The following SEC16B variants were observed in gnomAD, a reference collection of about 807,000 sequenced individuals.
The protein encoded by SEC16B is protein transport protein Sec16B.
SEC16B carries 115 observed loss-of-function variants against 141.8 expected under a neutral mutation model. That is an observed-to-expected ratio of 0.81 (90% CI 0.70 to 0.95). SEC16B has a LOEUF of 0.95. SEC16B is among the 40% of genes least tolerant of loss of function. SEC16B has a pLI of 0.00. For missense variants in SEC16B, 1,291 were observed against 1,312.3 expected, an observed-to-expected ratio of 0.98 and a Z score of 0.25; for synonymous variants, 493 against 492.5, an observed-to-expected ratio of 1.00 and a Z score of -0.01.
At chr1:177,948,682 A>G in intron 12 of SEC16B, 3 of 1,261,452 alleles carry the variant, frequency 2.4e-6, no homozygotes, top group Non-Finnish European at 3.1e-6. Context: ...ATCAATAAAG[A>G]AACAATATAA....
At chr1:177,956,389 T>A (rs76592509) in intron 10 of SEC16B, among the ~76,000 whole-genome samples, 23,857 of 152,052 alleles carry the variant, frequency 0.16, 2,070 homozygotes, top group Middle Eastern at 0.22. Context: ...TTCTGAGGTA[T>A]TTTGTAAAAT....
At chr1:177,967,586 A>T in intron 2 of SEC16B, 97 bp downstream of exon 2, 1 of 1,274,938 alleles carries the variant, frequency 7.8e-7, no homozygotes, top group Non-Finnish European at 1.1e-6. Context: ...AAAAGAAAAA[A>T]GGGGGAGAAA....
At chr1:177,936,437 C>A in intron 19 of SEC16B, 72 bp from the exon 20 acceptor site, 1 of 1,303,292 alleles carries the variant, frequency 7.7e-7, no homozygotes, top group Non-Finnish European at 1.1e-6. Flanking sequence ...AGAAGGGTAA[C>A]TGGGACACAA....
At chr1:177,957,764 AC>A (rs1398492540) in intron 10 of SEC16B, among the ~76,000 whole-genome samples, 5 of 151,820 alleles carry the variant, frequency 3.3e-5, no homozygotes, top group Non-Finnish European at 7.4e-5. Flanking sequence ...ATTCATTCTA[AC>A]TTTTTTTTGC....
At chr1:177,944,312 T>C (rs762133885) in intron 15 of SEC16B, among the ~76,000 whole-genome samples, 3 of 152,126 alleles carry the variant, frequency 2.0e-5, no homozygotes, top group African/African-American at 4.8e-5. Flanking sequence ...GGCAGGACGT[T>C]CAAACATCAG....
At chr1:177,940,160 T>C (rs566868668) in intron 17 of SEC16B, among the ~76,000 whole-genome samples, 14 of 152,208 alleles carry the variant, frequency 9.2e-5, no homozygotes, top group Non-Finnish European at 1.5e-4. Flanking sequence ...CCAATTACTG[T>C]TCCAATTACA....
chr1:177,936,489 C>T, intron 19 of SEC16B, 124 bp from the exon 20 acceptor site: 1 of 790,518 alleles, frequency 1.3e-6, no homozygotes, highest in Non-Finnish European at 2.1e-6. Flanking sequence ...GCCCATAAGC[C>T]CAAGCCAATC....
At chr1:177,975,136 C>T (rs2102021732), upstream of SEC16B, among the ~76,000 whole-genome samples, 1 of 152,224 alleles carries the variant, frequency 6.6e-6, no homozygotes, top group South Asian at 2.1e-4. Context: ...TAGGAGTGGG[C>T]TTTAACTAAG....
Position 177,933,227 on chromosome 1 carries a change from C to T in SEC16B, c.2810G>A (p.Ser937Asn). The change falls in exon 22 of 26, where the codon AGC becomes AAC. Residue 937 changes from serine (S) to asparagine (N), a missense_variant. Physicochemically the swap from Ser to Asn is conservative, Grantham distance 46. This residue lies in a region of SEC16B where 605 missense variants were observed against 614.1 expected (regional missense o/e 0.99). Coordinates refer to ENST00000308284, the MANE Select transcript of SEC16B (RefSeq NM_033127.4). ...CACAGAGCCTACCTCAGAGTCAGGG[C>T]TGTCTGAGGAGTCCTCGTCTCCAGC... Reference protein sequence around the residue: ...SPAGDEDSSDSPDSEETPRAS... With the variant: ...SPAGDEDSSDNPDSEETPRAS... The T allele has an allele frequency of 6.3e-7, 1 of 1,583,842 alleles. No individual in the cohort carries two copies. Among genetic ancestry groups the T allele is most frequent in the Non-Finnish European group, 8.6e-7 (1 of 1,164,460 alleles).
intron 8 of SEC16B, chr1:177,959,405 G>A (rs1284135131): frequency 4.3e-6 from 1 of 230,070 alleles, no homozygotes; most frequent in Non-Finnish European, 8.7e-6. Flanking sequence ...AGAAAATTGT[G>A]TGGCATATAT....
At chr1:177,971,731 T>C (rs1205245695), upstream of SEC16B, among the ~76,000 whole-genome samples, 1 of 152,198 alleles carries the variant, frequency 6.6e-6, no homozygotes, top group Non-Finnish European at 1.5e-5. Flanking sequence ...ACAAGTGAAA[T>C]GATTTACCCA....
Position 177,960,837 on chromosome 1 carries a change from G to C in SEC16B, c.890C>G (p.Ser297Cys), listed in dbSNP as rs757617968. 4 of 1,613,632 alleles carry C rather than the reference G, an allele frequency of 2.5e-6. No individual in the cohort carries two copies. Among genetic ancestry groups the C allele is most frequent in the South Asian group, 2.2e-5 (2 of 91,036 alleles). ...AAGGGCTGCTTGCCCGTCAGTGGGA[G>C]AGCTGGGACCTACATGCACCAGCTG... is the stretch of plus-strand genomic sequence containing the variant. ...GGQLVHVGPS[S>C]PTDGQAALVE... The change falls in exon 7 of 26, where the codon TCT becomes TGT. Residue 297 changes from serine to cysteine, a missense_variant. Physicochemically the swap from Ser to Cys is moderately radical, Grantham distance 112. Transcript: ENST00000308284.
chr1:177,931,719 A>G (rs1557964571), intron 24 of SEC16B, among the ~76,000 whole-genome samples: 1 of 152,258 alleles, frequency 6.6e-6, no homozygotes, highest in South Asian at 2.1e-4. Context: ...AAAAGCCTCA[A>G]TAAATTATAT....
chr1:177,958,439 A>T, intron 9 of SEC16B, 77 bp from the exon 10 acceptor site: 1 of 1,221,078 alleles, frequency 8.2e-7, no homozygotes, highest in Non-Finnish European at 1.1e-6. Context: ...GAAGGAAGGC[A>T]CCAGGGAGCC....
chr1:177,944,743 A>G (rs921811657), intron 14 of SEC16B, 77 bp from the exon 15 acceptor site: 1 of 1,184,806 alleles, frequency 8.4e-7, no homozygotes, highest in South Asian at 1.3e-5. Context: ...CTCTCCAAAC[A>G]CCAGCTGCAG....
At chr1:177,980,173 C>T (rs1235810664) in intron 1 of SEC16B, among the ~76,000 whole-genome samples, 1 of 152,130 alleles carries the variant, frequency 6.6e-6, no homozygotes, top group Non-Finnish European at 1.5e-5. Context: ...CTGTATGCCT[C>T]ATAACATTAT....
At chr1:177,935,157 C>A (rs1449256546) in intron 20 of SEC16B, among the ~76,000 whole-genome samples, 1 of 152,106 alleles carries the variant, frequency 6.6e-6, no homozygotes, top group African/African-American at 2.4e-5. Context: ...CTCAGAGACA[C>A]CTTCCTTGGC....
chr1:177,929,725 T>A lies in SEC16B; in HGVS notation c.*133A>T. On this transcript the variant is annotated 3_prime_UTR_variant, in exon 26 of 26. Transcript: ENST00000308284. ...AGATCCTGTCCTCTTGCCTTCTAAG[T>A]GCCCGGTGGAGGCATCGGGCTAGCA... The A allele has an allele frequency of 1.2e-6, 1 of 836,270 alleles. No homozygotes were observed. Among genetic ancestry groups the A allele is most frequent in the Non-Finnish European group, 2.0e-6 (1 of 509,966 alleles). The allele number at this position is 836,270 out of a possible 1,614,324, so 51.8% of individuals were successfully genotyped here.
At chr1:177,975,263 A>T (rs1408630411) in intron 1 of SEC16B, among the ~76,000 whole-genome samples, 4 of 152,224 alleles carry the variant, frequency 2.6e-5, no homozygotes, top group Non-Finnish European at 5.9e-5. Flanking sequence ...CAATATTCGC[A>T]GTGCCTTGCA....
Sources: gnomAD v4.1 joint callset for allele counts (sites outside exome capture counted in the v4.1 genomes callset) on GRCh38, gnomAD v4.1.1 for gene constraint, gnomAD v4.1.1 regional missense constraint, MANE v1.5 for transcripts, NCBI Gene and HGNC (gene_info 2026-07-23, HGNC 2026-07-21) for gene names.